The following PSPC1 variants were observed in gnomAD, a reference collection of about 807,000 sequenced individuals.
The protein encoded by PSPC1 is paraspeckle protein 1.
Under a neutral mutation model 51.6 loss-of-function variants are expected in PSPC1, and 14 were observed. The observed-to-expected ratio is 0.27, with a 90% CI of 0.18 to 0.42. PSPC1 has a LOEUF of 0.42. PSPC1 is among the 10% of genes least tolerant of loss of function. The probability of loss-of-function intolerance (pLI) is 1.00; values close to 1 mark genes in which losing one functional copy is unlikely to be tolerated. For synonymous variants in PSPC1, 193 were observed against 231.9 expected, an observed-to-expected ratio of 0.83 and a Z score of 1.53; for missense variants, 406 against 701.1, an observed-to-expected ratio of 0.58 and a Z score of 4.75.
At chr13:19,740,987 G>T (rs1203476512) in intron 5 of PSPC1, among the ~76,000 whole-genome samples, 1 of 151,654 alleles carries the variant, frequency 6.6e-6, no homozygotes, top group African/African-American at 2.4e-5. Context: ...CGATTCTCCT[G>T]CCTCAACGCC....
At chr13:19,763,792 G>T (rs1156939521) in intron 2 of PSPC1, among the ~76,000 whole-genome samples, 2 of 152,148 alleles carry the variant, frequency 1.3e-5, no homozygotes, top group Non-Finnish European at 2.9e-5. Flanking sequence ...CCTGAAGTTA[G>T]GAGTTTGAGA....
At chr13:19,676,082 C>T (rs1232328835) in intron 7 of PSPC1, among the ~76,000 whole-genome samples, 1 of 152,140 alleles carries the variant, frequency 6.6e-6, no homozygotes, top group East Asian at 1.9e-4. Context: ...TATAGAATCT[C>T]TCTCCCCTTC....
intron 5 of PSPC1, among the ~76,000 whole-genome samples, chr13:19,731,781 C>T (rs575069102): frequency 2.6e-5 from 4 of 152,226 alleles, no homozygotes; most frequent in African/African-American, 7.2e-5. Flanking sequence ...ATTTAGGATG[C>T]TCACCTGGTA....
chr13:19,736,484 C>G (rs758486932), intron 5 of PSPC1, among the ~76,000 whole-genome samples: 2 of 151,936 alleles, frequency 1.3e-5, no homozygotes, highest in South Asian at 2.1e-4. Flanking sequence ...CAGATCGAGA[C>G]CATCCTGGCT....
At chr13:19,751,952 G>T (rs1312973601) in intron 3 of PSPC1, among the ~76,000 whole-genome samples, 1 of 152,168 alleles carries the variant, frequency 6.6e-6, no homozygotes, top group Non-Finnish European at 1.5e-5. Flanking sequence ...CAGCTACTCG[G>T]GAGGCTGAGG....
At chr13:19,680,003 A>T (rs1877091909) in intron 6 of PSPC1, among the ~76,000 whole-genome samples, 1 of 152,058 alleles carries the variant, frequency 6.6e-6, no homozygotes, top group African/African-American at 2.4e-5. Flanking sequence ...ATTTAATTTC[A>T]ATTTTTAAAT....
At chr13:19,703,596 T>C (rs1166965273) in intron 8 of PSPC1, among the ~76,000 whole-genome samples, 1 of 152,100 alleles carries the variant, frequency 6.6e-6, no homozygotes. Flanking sequence ...TATGCCCCAA[T>C]TTAAAGAACA....
At chr13:19,731,404 TG>T in intron 5 of PSPC1, among the ~76,000 whole-genome samples, 1 of 97,232 alleles carries the variant, frequency 1.0e-5, no homozygotes, top group South Asian at 4.4e-4. Context: ...CTCCAAAATC[TG>T]GATTTGTTGT....
chr13:19,713,487 G>A lies in PSPC1; in HGVS notation c.1159-3888C>T, dbSNP rs542629485. Among the ~76,000 whole-genome samples the A allele has an allele frequency of 6.2e-5, 8 of 128,206 alleles. No homozygotes were observed. In the South Asian group the frequency reaches 1.8e-3, roughly 29 times the overall value. The allele number at this position is 128,206 out of a possible 152,430, so 84.1% of individuals were successfully genotyped here. On this transcript the variant is annotated intron_variant, in intron 6 of 8. Coordinates refer to ENST00000338910, the MANE Select transcript of PSPC1 (RefSeq NM_001354909.2). ...AAATGGAGTTCACAAAATTTTTGAC[G>A]TTCACGAGATACTTTCATTCTTCAA...
chr13:19,780,972 C>T (rs969628584), intron 1 of PSPC1, among the ~76,000 whole-genome samples: 9 of 151,866 alleles, frequency 5.9e-5, no homozygotes, highest in Non-Finnish European at 1.2e-4. Flanking sequence ...ACCTGGACAA[C>T]ATGGCGAAAC....
chr13:19,735,658 CTTG>C (rs1356269197), intron 5 of PSPC1, among the ~76,000 whole-genome samples: 1 of 152,160 alleles, frequency 6.6e-6, no homozygotes. Flanking sequence ...GACTATTTGG[CTTG>C]TTAACAAATA....
intron 5 of PSPC1, among the ~76,000 whole-genome samples, chr13:19,732,036 G>A (rs1884179742): frequency 6.6e-6 from 1 of 152,032 alleles, no homozygotes; most frequent in African/African-American, 2.4e-5. Context: ...CCTTGTTCTT[G>A]TTTGTTGCAC....
At chr13:19,711,639 T>TAAAA (rs143917566) in intron 6 of PSPC1, among the ~76,000 whole-genome samples, 92 of 80,398 alleles carry the variant, frequency 1.1e-3, no homozygotes, top group Middle Eastern at 8.6e-3. Flanking sequence ...CTCCGTCTCA[T>TAAAA]AAAAAAAAAA....
At chr13:19,769,936 C>T (rs1888464358) in intron 2 of PSPC1, among the ~76,000 whole-genome samples, 1 of 152,082 alleles carries the variant, frequency 6.6e-6, no homozygotes, top group African/African-American at 2.4e-5. Flanking sequence ...TTTACCTAAG[C>T]CACATGAAAG....
At chr13:19,720,538 A>AT (rs1245983980) in intron 6 of PSPC1, among the ~76,000 whole-genome samples, 1 of 152,250 alleles carries the variant, frequency 6.6e-6, no homozygotes, top group Non-Finnish European at 1.5e-5. Flanking sequence ...ATGTTAGTAC[A>AT]TATTTTCTTC....
At chr13:19,772,173 C>T in intron 2 of PSPC1, 69 bp downstream of exon 2, 1 of 1,506,904 alleles carries the variant, frequency 6.6e-7, no homozygotes, top group Non-Finnish European at 9.0e-7. Context: ...CAATGAAAGA[C>T]AGAATTCCAA....
At chr13:19,760,930 G>A (rs1318780498) in intron 2 of PSPC1, among the ~76,000 whole-genome samples, 2 of 151,962 alleles carry the variant, frequency 1.3e-5, no homozygotes, top group Non-Finnish European at 2.9e-5. Context: ...GGAGGTTGCA[G>A]TGAGCCAAGA....
chr13:19,717,108 A>C (rs1394419085), intron 6 of PSPC1, among the ~76,000 whole-genome samples: 2 of 152,180 alleles, frequency 1.3e-5, no homozygotes, highest in Admixed American at 1.3e-4. Flanking sequence ...ATTAGATAAC[A>C]AATTGTAGAC....
intron 2 of PSPC1, among the ~76,000 whole-genome samples, chr13:19,769,490 T>C (rs552135585): frequency 6.6e-5 from 10 of 152,164 alleles, no homozygotes; most frequent in African/African-American, 2.4e-4. Flanking sequence ...GAGGCGGAGC[T>C]TGAAGTGAGC....
Sources: allele counts gnomAD v4.1 joint callset (sites outside exome capture counted in the v4.1 genomes callset), GRCh38; gene constraint gnomAD v4.1.1; transcripts MANE v1.5; gene names NCBI Gene and HGNC (gene_info 2026-07-23, HGNC 2026-07-21).